Variants in ARHGEF2 observed in about 807,000 individuals in gnomAD.
The protein encoded by ARHGEF2 is rho guanine nucleotide exchange factor 2.
ARHGEF2 carries 22 observed loss-of-function variants against 121.0 expected under a neutral mutation model. The ratio of observed to expected loss-of-function variants is 0.18; its 90% CI spans 0.13 to 0.26. The LOEUF (loss-of-function observed/expected upper bound fraction) is 0.26. ARHGEF2 is among the 10% of genes least tolerant of loss of function. The probability of loss-of-function intolerance (pLI) is 1.00; values close to 1 mark genes in which losing one functional copy is unlikely to be tolerated. For missense variants in ARHGEF2, 907 were observed against 1,336.0 expected (o/e 0.68, Z 5.01); for synonymous variants, 487 against 530.0 (o/e 0.92, Z 1.11).
At chr1:155,967,776 G>C (rs1679704792) in intron 2 of ARHGEF2, among the ~76,000 whole-genome samples, 1 of 152,126 alleles carries the variant, frequency 6.6e-6, no homozygotes, top group African/African-American at 2.4e-5. Context: ...TGGGACCCTG[G>C]CCGTGCCCTT....
At chr1:155,966,031 G>C (rs1192454947) in intron 4 of ARHGEF2, among the ~76,000 whole-genome samples, 1 of 152,132 alleles carries the variant, frequency 6.6e-6, no homozygotes, top group East Asian at 1.9e-4. Context: ...GGTGACTTGG[G>C]TAATGGCTAG....
At chr1:155,952,885 A>G in intron 14 of ARHGEF2, 57 bp from the exon 15 acceptor site, 4 of 1,550,950 alleles carry the variant, frequency 2.6e-6, no homozygotes, top group Non-Finnish European at 3.6e-6. Flanking sequence ...CAAGAGCGCC[A>G]GTAGAGGACA....
intron 2 of ARHGEF2, chr1:155,968,606 A>G (rs1679886079): frequency 6.5e-6 from 1 of 152,720 alleles, no homozygotes; most frequent in African/African-American, 2.4e-5. Context: ...CTTTCTCACT[A>G]GAAATTTGAG....
intron 1 of ARHGEF2, chr1:155,972,347 A>G (rs1261556177): frequency 4.4e-6 from 2 of 458,022 alleles, no homozygotes; most frequent in African/African-American, 4.0e-5. Context: ...CCCAGCAGCA[A>G]GCGACCCTGG....
chr1:155,964,384 G>A (rs1247614507), intron 7 of ARHGEF2, among the ~76,000 whole-genome samples: 1 of 151,260 alleles, frequency 6.6e-6, no homozygotes, highest in Non-Finnish European at 1.5e-5. Context: ...CAAGCTGTGA[G>A]CTATTTTAGG....
chr1:155,952,630 T>C lies in ARHGEF2; in HGVS notation c.1982A>G (p.Glu661Gly). ...GERLLQDAIR[E>G]VEGLKDLLVG... ...CTCTTCCCTGGGAGCTCCCTCACCC[T>C]CACGGATGGCATCCTGCAGCAGCCG... is the stretch of plus-strand genomic sequence containing the variant. The change falls in exon 15 of 22, where the codon GAG (glutamate) becomes GGG (glycine). Residue 661 changes from glutamate (E) to glycine (G), a missense_variant and splice_region_variant. Glu to Gly is a moderately conservative substitution (Grantham distance 98). Around this residue, in one of 2 missense-constraint regions of ARHGEF2, gnomAD observed 432 missense variants for 559.5 expected, o/e 0.77. Coordinates refer to ENST00000361247, the MANE Select transcript of ARHGEF2 (RefSeq NM_001162383.2). The C allele has an allele frequency of 6.2e-7, 1 of 1,610,370 alleles. No individual in the cohort carries two copies. The highest frequency in any genetic ancestry group is 2.2e-5 in the East Asian group (1 of 44,786).
Position 155,958,314 on chromosome 1 carries a change from T to A in ARHGEF2, c.1545+6A>T, listed in dbSNP as rs1191769743. 1.9e-6 allele frequency: 3 copies of A among 1,609,736 alleles called. No individual in the cohort carries two copies. Among genetic ancestry groups the A allele is most frequent in the Non-Finnish European group, 2.6e-6 (3 of 1,176,102 alleles). On this transcript the variant is annotated splice_donor_region_variant and intron_variant, in intron 12 of 21. Coordinates refer to ENST00000361247, the MANE Select transcript of ARHGEF2 (RefSeq NM_001162383.2). ...TGCTGAGAAAGGTGAAGAATGAATGTCTCACCAGGGTAGGAAAGATGTACT... is the reference window on the plus strand; with the variant it reads ...TGCTGAGAAAGGTGAAGAATGAATGACTCACCAGGGTAGGAAAGATGTACT...
intron 1 of ARHGEF2, among the ~76,000 whole-genome samples, chr1:155,973,228 T>C (rs1221316898): frequency 6.6e-6 from 1 of 152,192 alleles, no homozygotes; most frequent in African/African-American, 2.4e-5. Flanking sequence ...GGGGTCTCAG[T>C]AGCACCCTGG....
At chr1:155,966,685 T>G (rs1407620854) in intron 3 of ARHGEF2, 135 bp downstream of exon 3, 1 of 1,141,136 alleles carries the variant, frequency 8.8e-7, no homozygotes, top group Non-Finnish European at 1.3e-6. Context: ...AGGCCTGGGG[T>G]TGAGGGTCTG....
chr1:155,967,176 G>T (rs905528163), intron 2 of ARHGEF2, among the ~76,000 whole-genome samples: 28 of 152,160 alleles, frequency 1.8e-4, no homozygotes, highest in African/African-American at 6.3e-4. Context: ...AGGGGAGCAG[G>T]GGTCACTGGC....
At chr1:155,970,952 T>C in intron 1 of ARHGEF2, 11 of 986,568 alleles carry the variant, frequency 1.1e-5, no homozygotes, top group Non-Finnish European at 1.3e-5. Context: ...CGCATCCTCC[T>C]CCTGTCTCCT....
At chr1:155,955,561 G>C (rs753093017) in intron 13 of ARHGEF2, among the ~76,000 whole-genome samples, 6 of 152,228 alleles carry the variant, frequency 3.9e-5, no homozygotes, top group Middle Eastern at 3.4e-3. Context: ...TGGCTCCACT[G>C]TTTACCAGGT....
intron 16 of ARHGEF2, 24 bp from the exon 17 acceptor site, chr1:155,952,010 G>A: frequency 6.2e-7 from 1 of 1,614,054 alleles, no homozygotes; most frequent in Non-Finnish European, 8.5e-7. Flanking sequence ...GAAAAGGATG[G>A]CTGAGCTCAC....
intron 11 of ARHGEF2, 121 bp from the exon 12 acceptor site, chr1:155,958,517 C>A: frequency 1.5e-6 from 1 of 665,748 alleles, no homozygotes; most frequent in Non-Finnish European, 2.6e-6. Context: ...CTCTTCCTGG[C>A]CTCTCTTCCC....
chr1:155,970,608 C>T (rs368712976), intron 1 of ARHGEF2: 21 of 985,272 alleles, frequency 2.1e-5, no homozygotes, highest in African/African-American at 2.1e-4. Context: ...TACAGTTCAG[C>T]GGGAAGCACT....
chr1:155,967,526 C>T (rs1224666484), intron 2 of ARHGEF2, among the ~76,000 whole-genome samples: 1 of 152,090 alleles, frequency 6.6e-6, no homozygotes, highest in Non-Finnish European at 1.5e-5. Flanking sequence ...GCACCACATG[C>T]CCTGGACTCT....
Position 155,952,152 on chromosome 1 carries a change from C to G in ARHGEF2, c.2068G>C (p.Asp690His). Residue 690 changes from aspartate to histidine, a missense_variant, in exon 16 of 22, where the codon GAC (aspartate) becomes CAC (histidine). Physicochemically the swap from Asp to His is moderately conservative, Grantham distance 81. Around this residue, in one of 2 missense-constraint regions of ARHGEF2, gnomAD observed 432 missense variants for 559.5 expected, o/e 0.77. Coordinates refer to ENST00000361247, the MANE Select transcript of ARHGEF2 (RefSeq NM_001162383.2). ...PREPALPLEP[D>H]SGGNTSPGVT... ...CCAGGACTCGTGTTACCACCGCTGT[C>G]TGGTTCCAAGGGCAGGGCTGGCTCT... is the stretch of plus-strand genomic sequence containing the variant. The G allele has an allele frequency of 6.2e-7, 1 of 1,614,186 alleles. No individual in the cohort carries two copies. The highest frequency in any genetic ancestry group is 8.5e-7 in the Non-Finnish European group (1 of 1,180,038).
chr1:155,975,269 G>A (rs1441621775), intron 1 of ARHGEF2, among the ~76,000 whole-genome samples: 1 of 152,120 alleles, frequency 6.6e-6, no homozygotes, highest in African/African-American at 2.4e-5. Flanking sequence ...CAGCACACCA[G>A]TAACATGCAC....
At chr1:155,968,858 T>G in intron 2 of ARHGEF2, 1 of 260,868 alleles carries the variant, frequency 3.8e-6, no homozygotes, top group Non-Finnish European at 7.4e-6. Context: ...CCCCTAACCC[T>G]TAGCAGCTGT....
Sources: allele counts gnomAD v4.1 joint callset (sites outside exome capture counted in the v4.1 genomes callset), GRCh38; gene constraint gnomAD v4.1.1; regional missense constraint gnomAD v4.1.1; transcripts MANE v1.5; gene names NCBI Gene and HGNC (gene_info 2026-07-23, HGNC 2026-07-21).